The following CA4 variants were observed in gnomAD, a reference collection of about 807,000 sequenced individuals.
CA4 encodes the protein carbonic anhydrase 4.
A neutral mutation model predicts 34.5 loss-of-function variants in CA4; 24 were observed. That is an observed-to-expected ratio of 0.70 (90% CI 0.50 to 0.98). The LOEUF is 0.98. Ranked by LOEUF, CA4 falls within the 50% of genes least tolerant of loss-of-function variation. The pLI is 0.00. For missense variants in CA4, 394 were observed against 396.7 expected, an observed-to-expected ratio of 0.99 and a Z score of 0.06; for synonymous variants, 178 against 170.6, an observed-to-expected ratio of 1.04 and a Z score of -0.34.
intron 1 of CA4, among the ~76,000 whole-genome samples, chr17:60,152,835 G>A (rs2083615787): frequency 6.6e-6 from 1 of 152,224 alleles, no homozygotes; most frequent in African/African-American, 2.4e-5. Flanking sequence ...AGAGGCGTTT[G>A]AACCAGAGTG....
chr17:60,149,981 C>T lies in CA4; in HGVS notation c.-54C>T, dbSNP rs940226589. The T allele has an allele frequency of 6.3e-5, 91 of 1,441,362 alleles. No individual in the cohort carries two copies. Among genetic ancestry groups the T allele is most frequent in the Non-Finnish European group, 6.6e-5 (69 of 1,041,184 alleles). The allele number at this position is 1,441,362 out of a possible 1,614,324, so 89.3% of individuals were successfully genotyped here. A position where few individuals can be genotyped will look rare whatever the true frequency, so the allele number is the denominator to read the frequency against. On this transcript the variant is annotated 5_prime_UTR_variant, in exon 1 of 8. Transcript: ENST00000300900. Reference sequence around the variant, plus strand: ...GCCGGCAGGATCGCTGCACCCGCGGCGGCCTCCTCGGTGCGCGACCCCCGG... The same window carrying T: ...GCCGGCAGGATCGCTGCACCCGCGGTGGCCTCCTCGGTGCGCGACCCCCGG...
chr17:60,163,164 G>A (rs1026418609), downstream of CA4, among the ~76,000 whole-genome samples: 12 of 151,978 alleles, frequency 7.9e-5, no homozygotes, highest in African/African-American at 2.4e-4. Context: ...AAGGTGGGGC[G>A]GAGGAGGGTC....
rs2083715137 is a variant in CA4 at position 60,157,705 on chromosome 17, G to C, written c.430G>C (p.Glu144Gln). 1 of 1,613,890 alleles carries C rather than the reference G, an allele frequency of 6.2e-7. No homozygotes were observed. Among genetic ancestry groups the C allele is most frequent in the Non-Finnish European group, 8.5e-7 (1 of 1,179,848 alleles). Residue 144 changes from glutamate to glutamine, a missense_variant, in exon 5 of 8, where the codon GAG (glutamate) becomes CAG (glutamine). Transcript: ENST00000300900. Reference sequence around the variant, plus strand: ...CCCCGACCAGATGCACATAGTACATGAGAAAGAGAAGGGGACATCGAGGAA... The same window carrying C: ...CCCCGACCAGATGCACATAGTACATCAGAAAGAGAAGGGGACATCGAGGAA... ...HFAMEMHIVH[E>Q]KEKGTSRNVK...
chr17:60,157,511 G>T lies in CA4; in HGVS notation c.353G>T (p.Trp118Leu), dbSNP rs758082437. 4 of 1,614,186 alleles carry T rather than the reference G, an allele frequency of 2.5e-6. No homozygotes were observed. The highest frequency in any genetic ancestry group is 1.1e-5 in the South Asian group (1 of 91,084). Residue 118 changes from tryptophan to leucine, a missense_variant, in exon 4 of 8, where the codon TGG becomes TTG. Physicochemically the swap from Trp to Leu is moderately conservative, Grantham distance 61. Transcript: ENST00000300900. The stretch of plus-strand genomic sequence containing the variant: ...CAGGCCAAACAGTTGCACCTGCACT[G>T]GTCCGACTTGCCATATAAGGGCTCG... ...PYQAKQLHLH[W>L]SDLPYKGSEH...
the CA4 span, among the ~76,000 whole-genome samples, chr17:60,176,065 T>G: frequency 1.3e-5 from 2 of 152,098 alleles, no homozygotes; most frequent in African/African-American, 2.4e-5. Context: ...ATCCACCTGC[T>G]TTGGCCTTCC....
chr17:60,155,761 C>A (rs184289878), intron 2 of CA4, among the ~76,000 whole-genome samples: 15 of 152,268 alleles, frequency 9.9e-5, no homozygotes, highest in Non-Finnish European at 1.6e-4. Flanking sequence ...TCTTCACTGG[C>A]ACCTGCTGTC....
At chr17:60,162,546 TACACACACACACAC>T (rs770876140), downstream of CA4, among the ~76,000 whole-genome samples, 44 of 132,230 alleles carry the variant, frequency 3.3e-4, no homozygotes, top group African/African-American at 7.0e-4. Context: ...CTGCATGGGG[TACACACACACACAC>T]ACACACACAC....
intron 5 of CA4, among the ~76,000 whole-genome samples, chr17:60,169,228 C>T (rs1873175855): frequency 6.7e-6 from 1 of 148,200 alleles, no homozygotes; most frequent in Admixed American, 6.7e-5. Flanking sequence ...GCCTGGGCAA[C>T]AGAGAGAGAC....
intron 3 of CA4, 34 bp downstream of exon 3, chr17:60,156,749 C>A: frequency 6.3e-6 from 10 of 1,597,810 alleles, no homozygotes; most frequent in Non-Finnish European, 8.6e-6. Flanking sequence ...CAGGCCTGGG[C>A]ACCCGAGTTC....
rs372042150 is a variant in CA4 at position 60,158,279 on chromosome 17, T to C, written c.581-4T>C. ...ACTGACAGTGTCCTCTGCCCCTATC[T>C]CAGAGATGAGCACTACGATGGCAGA... is the stretch of plus-strand genomic sequence containing the variant. On this transcript the variant is annotated splice_region_variant and splice_polypyrimidine_tract_variant and intron_variant, in intron 6 of 7. Coordinates refer to ENST00000300900, the MANE Select transcript of CA4 (RefSeq NM_000717.5). 6.2e-7 allele frequency: 1 copy of C among 1,613,838 alleles called. No homozygotes were observed. The highest frequency in any genetic ancestry group is 1.3e-5 in the African/African-American group (1 of 74,866).
chr17:60,175,996 A>G, the CA4 span, among the ~76,000 whole-genome samples: 1 of 151,828 alleles, frequency 6.6e-6, no homozygotes, highest in Admixed American at 6.6e-5. Context: ...TTGTATTTTT[A>G]GTAGAGACGG....
chr17:60,150,011 G>C lies in CA4; in HGVS notation c.-24G>C, dbSNP rs345191. On this transcript the variant is annotated 5_prime_UTR_variant, in exon 1 of 8. Coordinates refer to ENST00000300900, the MANE Select transcript of CA4 (RefSeq NM_000717.5). ...TCCTCGGTGCGCGACCCCCGGCTCAGAGGACTCTTTGCTGTCCCGCAAGAT... is the reference window on the plus strand; with the variant it reads ...TCCTCGGTGCGCGACCCCCGGCTCACAGGACTCTTTGCTGTCCCGCAAGAT... 10,916 of 1,597,832 alleles carry C rather than the reference G, an allele frequency of 6.8e-3. 437 individuals are homozygous for C. The African/African-American group carries it at 0.098, about 14-fold the overall frequency.
chr17:60,168,703 G>A (rs1378900692), intron 5 of CA4, among the ~76,000 whole-genome samples: 1 of 152,126 alleles, frequency 6.6e-6, no homozygotes, highest in Non-Finnish European at 1.5e-5. Flanking sequence ...ATGCCTAGAG[G>A]CAGTGGTCAC....
At chr17:60,166,693 T>C (rs896951317) in intron 5 of CA4, among the ~76,000 whole-genome samples, 3 of 141,184 alleles carry the variant, frequency 2.1e-5, no homozygotes, top group Non-Finnish European at 4.6e-5. Flanking sequence ...CGGTGGCTCA[T>C]GCCTGTAATC....
downstream of CA4, among the ~76,000 whole-genome samples, chr17:60,175,737 G>T (rs539819555): frequency 6.8e-6 from 1 of 148,136 alleles, no homozygotes; most frequent in East Asian, 2.0e-4. Context: ...TTCATTTTTT[G>T]ACTTTCTGTA....
rs192050991 is a variant in CA4 at position 60,167,678 on chromosome 17, C to A, written c.*179-2873C>A. Among the ~76,000 whole-genome samples, 15 of 152,352 alleles carry A rather than the reference C, an allele frequency of 9.8e-5. No homozygotes were observed. In the East Asian group the frequency reaches 2.9e-3, roughly 29 times the overall value. ...ATGCCAGCTTTCCTTCAGGGGCTGA[C>A]ACAGTCAACCTGGTATCATTACAGC... On this transcript the variant is annotated intron_variant and NMD_transcript_variant, in intron 5 of 5. Coordinates refer to the CA4 transcript ENST00000586876.
At chr17:60,175,977 C>T in the CA4 span, among the ~76,000 whole-genome samples, 3 of 151,802 alleles carry the variant, frequency 2.0e-5, no homozygotes, top group Non-Finnish European at 4.4e-5. Flanking sequence ...CCACCACGCC[C>T]GGCTAATTTT....
rs1597995428 is a variant in CA4 at position 60,158,121 on chromosome 17, A to C, written c.574A>C (p.Lys192Gln). Residue 192 changes from lysine to glutamine, a missense_variant, in exon 6 of 8, where the codon AAA (lysine) becomes CAA (glutamine). Coordinates refer to ENST00000300900, the MANE Select transcript of CA4 (RefSeq NM_000717.5). ...PLVEALSNIP[K>Q]PEMSTTMAES... The stretch of plus-strand genomic sequence containing the variant: ...GGTGGAGGCACTGTCTAATATCCCC[A>C]AACCTGGTGAGTCAGGATGGGGGAG... 6.2e-7 allele frequency: 1 copy of C among 1,613,930 alleles called. No individual in the cohort carries two copies. Among genetic ancestry groups the C allele is most frequent in the East Asian group, 2.2e-5 (1 of 44,856 alleles).
downstream of CA4, among the ~76,000 whole-genome samples, chr17:60,164,367 TCTG>T (rs1287397389): frequency 2.7e-4 from 40 of 149,910 alleles, no homozygotes; most frequent in Middle Eastern, 3.4e-3. Context: ...TGTCTGTCTG[TCTG>T]TCTTTCTTTC....
Sources: gnomAD v4.1 joint callset for allele counts (sites outside exome capture counted in the v4.1 genomes callset) on GRCh38, gnomAD v4.1.1 for gene constraint, MANE v1.5 for transcripts, NCBI Gene and HGNC (gene_info 2026-07-23, HGNC 2026-07-21) for gene names.